The following ADAMTS1 variants were observed in gnomAD, a reference collection of about 807,000 sequenced individuals.
ADAMTS1 encodes A disintegrin and metalloproteinase with thrombospondin motifs 1.
Under a neutral mutation model 87.9 loss-of-function variants are expected in ADAMTS1, and 19 were observed. The ratio of observed to expected loss-of-function variants is 0.22; its 90% CI spans 0.15 to 0.32. The LOEUF is 0.32. Ranked by LOEUF, ADAMTS1 falls within the 10% of genes least tolerant of loss-of-function variation. The pLI is 1.00. For missense variants in ADAMTS1, 1,240 were observed against 1,259.1 expected, an observed-to-expected ratio of 0.98 and a Z score of 0.23; for synonymous variants, 542 against 501.8, an observed-to-expected ratio of 1.08 and a Z score of -1.07.
intron 3 of ADAMTS1, 109 bp from the exon 4 acceptor site, chr21:26,841,274 T>G (rs1269292556): frequency 8.5e-7 from 1 of 1,172,878 alleles, no homozygotes; most frequent in Non-Finnish European, 1.2e-6. Context: ...AGGTCAGGAG[T>G]TCAAGACCAG....
chr21:26,842,891 C>T lies in ADAMTS1; in HGVS notation c.731-206G>A, dbSNP rs1190933430. ...CCTTTAAATAAAAAGACCACGCGCT[C>T]CTTTGCATGGTCAGGATCTTTCTGT... On this transcript the variant is annotated intron_variant, in intron 1 of 8. Coordinates refer to ENST00000284984, the MANE Select transcript of ADAMTS1 (RefSeq NM_006988.5). 4 of 580,834 alleles carry T rather than the reference C, an allele frequency of 6.9e-6. No homozygotes were observed. The East Asian group carries it at 1.1e-4, about 17-fold the overall frequency. 36.0% of individuals were successfully genotyped at this position (580,834 alleles called of 1,614,324 possible).
At chr21:26,838,800 CTG>C in intron 7 of ADAMTS1, 186 bp from the exon 8 acceptor site, 1 of 526,208 alleles carries the variant, frequency 1.9e-6, no homozygotes, top group Middle Eastern at 4.5e-4. Flanking sequence ...GTATAGACAT[CTG>C]AAGAAATTAG....
At chr21:26,838,974 A>G in intron 7 of ADAMTS1, 2 of 186,992 alleles carry the variant, frequency 1.1e-5, no homozygotes, top group East Asian at 2.6e-4. Context: ...TGAATATTGA[A>G]TCTGCAACTT....
intron 7 of ADAMTS1, 157 bp downstream of exon 7, chr21:26,839,430 G>C: frequency 1.5e-6 from 1 of 655,904 alleles, no homozygotes. Flanking sequence ...TAAACTCAAA[G>C]CAGGCAGTTG....
chr21:26,842,505 A>G lies in ADAMTS1; in HGVS notation c.911T>C (p.Leu304Pro). The change falls in exon 2 of 9, where the codon CTG becomes CCG. Residue 304 changes from leucine to proline, a missense_variant. Coordinates refer to ENST00000284984, the MANE Select transcript of ADAMTS1 (RefSeq NM_006988.5). ...GATGACCAAGATCTTCACCACCACC[A>G]GGCTAACTGAATTACGAATGCTGGG... ...KHPSIRNSVS[L>P]VVVKILVIHD... 1 of 1,614,204 alleles carries G rather than the reference A, an allele frequency of 6.2e-7. No homozygotes were observed. Among genetic ancestry groups the G allele is most frequent in the Non-Finnish European group, 8.5e-7 (1 of 1,180,040 alleles).
rs752367400 is a variant in ADAMTS1 at position 26,839,863 on chromosome 21, G to A, written c.1852+12C>T. The A allele has an allele frequency of 1.1e-5, 17 of 1,611,152 alleles. No homozygotes were observed. The highest frequency in any genetic ancestry group is 9.9e-5 in the South Asian group (9 of 90,696). On this transcript the variant is annotated intron_variant, in intron 6 of 8. Transcript: ENST00000284984. ...ATCCAGTTTCTTAAAACCAGAGTCC[G>A]TTGCTCCTCACCATTATTGTCTGGA...
At chr21:26,844,149 A>G in intron 1 of ADAMTS1, 76 bp downstream of exon 1, 2 of 1,486,406 alleles carry the variant, frequency 1.3e-6, no homozygotes, top group Non-Finnish European at 9.0e-7. Flanking sequence ...GCAGGAGTCT[A>G]CCCTGAAGTC....
At chr21:26,841,400 A>T in intron 3 of ADAMTS1, 2 of 398,336 alleles carry the variant, frequency 5.0e-6, no homozygotes, top group Non-Finnish European at 9.0e-6. Context: ...AATCGCTTGA[A>T]CCCAGGAGGC....
intron 7 of ADAMTS1, chr21:26,839,202 G>C (rs1484147183): frequency 1.2e-5 from 2 of 164,744 alleles, no homozygotes; most frequent in African/African-American, 4.8e-5. Context: ...TAGTTACCCA[G>C]TAACAAGTAT....
chr21:26,844,635 C>T lies in ADAMTS1; in HGVS notation c.320G>A (p.Arg107His). Reference sequence around the variant, plus strand: ...AAGCGGCGTCTCGGACCCGGATTTGCGCCCCACGTTCTGGAGCGTGAAGCC... The same window carrying T: ...AAGCGGCGTCTCGGACCCGGATTTGTGCCCCACGTTCTGGAGCGTGAAGCC... ...APGFTLQNVGRKSGSETPLPE... is the reference protein window; with the variant it reads ...APGFTLQNVGHKSGSETPLPE... The change falls in exon 1 of 9, where the codon CGC (arginine) becomes CAC (histidine). Residue 107 changes from arginine to histidine, a missense_variant. Physicochemically the swap from Arg to His is conservative, Grantham distance 29. Coordinates refer to ENST00000284984, the MANE Select transcript of ADAMTS1 (RefSeq NM_006988.5). The T allele has an allele frequency of 1.2e-6, 2 of 1,605,642 alleles. No homozygotes were observed. The highest frequency in any genetic ancestry group is 1.7e-5 in the Admixed American group (1 of 59,014).
Position 26,837,943 on chromosome 21 carries a change from T to C in ADAMTS1, c.2540A>G (p.Glu847Gly). 6.2e-7 allele frequency: 1 copy of C among 1,614,236 alleles called. No homozygotes were observed. The highest frequency in any genetic ancestry group is 2.2e-5 in the East Asian group (1 of 44,886). ...KYTYFVKKKK[E>G]SFNAIPTFSA... is the part of the protein sequence containing the mutation. ...AAAAGTGGGGATAGCATTGAAAGATTCCTTCTTCTTCTTTACGAAGTAGGT... is the reference window on the plus strand; with the variant it reads ...AAAAGTGGGGATAGCATTGAAAGATCCCTTCTTCTTCTTTACGAAGTAGGT... The change falls in exon 9 of 9, where the codon GAA becomes GGA. Residue 847 changes from glutamate (E) to glycine (G), a missense_variant. Glu to Gly is a moderately conservative substitution (Grantham distance 98). Transcript: ENST00000284984.
chr21:26,845,325 C>G lies in ADAMTS1; in HGVS notation c.-371G>C, dbSNP rs2123161642. ...CGCCTTGGCTGCGATGTTGCTCACT[C>G]TGCTCAGGGCTCTCCCCTCTCCGTC... is the stretch of plus-strand genomic sequence containing the variant. On this transcript the variant is annotated 5_prime_UTR_variant, in exon 1 of 9. Transcript: ENST00000284984. 4.8e-6 allele frequency: 1 copy of G among 206,988 alleles called. No individual in the cohort carries two copies. The highest frequency in any genetic ancestry group is 1.1e-4 in the East Asian group (1 of 9,212). The allele number at this position is 206,988 out of a possible 1,614,324, so 12.8% of individuals were successfully genotyped here.
chr21:26,837,575 C>A lies in ADAMTS1; in HGVS notation c.*4G>T, dbSNP rs573247582. 1 of 1,613,148 alleles carries A rather than the reference C, an allele frequency of 6.2e-7. No homozygotes were observed. The highest frequency in any genetic ancestry group is 8.5e-7 in the Non-Finnish European group (1 of 1,179,562). On this transcript the variant is annotated 3_prime_UTR_variant, in exon 9 of 9. Coordinates refer to ENST00000284984, the MANE Select transcript of ADAMTS1 (RefSeq NM_006988.5). ...GCCCTCAAAGCTAACACCACTTAAA[C>A]CACTTAACTGCATTCTGCCATTGTG...
chr21:26,842,913 C>G (rs1261434314), intron 1 of ADAMTS1: 2 of 551,218 alleles, frequency 3.6e-6, no homozygotes, highest in African/African-American at 3.8e-5. Flanking sequence ...CAGGATCTTT[C>G]TGTGTGTGAG....
rs780119242 is a variant in ADAMTS1 at position 26,844,460 on chromosome 21, G to T, written c.495C>A (p.Ser165Arg). 2 of 1,586,790 alleles carry T rather than the reference G, an allele frequency of 1.3e-6. No homozygotes were observed. The highest frequency in any genetic ancestry group is 1.7e-6 in the Non-Finnish European group (2 of 1,166,344). The change falls in exon 1 of 9, where the codon AGC (serine) becomes AGA (arginine). Residue 165 changes from serine (S) to arginine (R), a missense_variant. Physicochemically the swap from Ser to Arg is moderately radical, Grantham distance 110. Transcript: ENST00000284984. ...CTGGGGCGGCGGTGGCGAGGCGCTC[G>T]CTGGCGGCGGGCAGCGGCTGGATGA... is the stretch of plus-strand genomic sequence containing the variant. ...AYFIQPLPAASERLATAAPGE... is the reference protein window; with the variant it reads ...AYFIQPLPAARERLATAAPGE...
chr21:26,838,742 T>C (rs117376374), intron 7 of ADAMTS1, 128 bp from the exon 8 acceptor site: 8,616 of 814,846 alleles, frequency 0.011, 63 homozygotes, highest in Middle Eastern at 0.017. Context: ...CTACACATTA[T>C]GCATTTCATG....
intron 1 of ADAMTS1, 99 bp downstream of exon 1, chr21:26,844,126 A>C (rs408358): frequency 0.76 from 1,079,854 of 1,422,362 alleles, 414,218 homozygotes; most frequent in African/African-American, 0.9. Flanking sequence ...CGGACTTATG[A>C]TCCTGCCTGC....
At position 26,839,668 on chromosome 21, in the gene ADAMTS1, G is replaced by A. The variant is rs764988768; in HGVS notation, c.1947C>T (p.Tyr649=). ...SGPAVEWIPK[Y]AGVSPKDRCK... The stretch of plus-strand genomic sequence containing the variant: ...ACCTGTCCTTTGGTGAGACGCCAGC[G>A]TACTTGGGAATCCATTCCACCGCAG... The change falls in exon 7 of 9, where the codon TAC becomes TAT. Residue 649 remains tyrosine, a synonymous_variant. Coordinates refer to ENST00000284984, the MANE Select transcript of ADAMTS1 (RefSeq NM_006988.5). 1.7e-5 allele frequency: 27 copies of A among 1,613,838 alleles called. 2 individuals are homozygous for A. The Middle Eastern group carries it at 4.9e-4, about 30-fold the overall frequency.
chr21:26,842,864 C>T (rs954598980), intron 1 of ADAMTS1, 179 bp from the exon 2 acceptor site: 5 of 607,346 alleles, frequency 8.2e-6, no homozygotes, highest in African/African-American at 7.4e-5. Flanking sequence ...GTTCTCTCCT[C>T]TCCTTTAAAT....
Sources: gnomAD v4.1 joint callset for allele counts on GRCh38, gnomAD v4.1.1 for gene constraint, MANE v1.5 for transcripts, NCBI Gene and HGNC (gene_info 2026-07-23, HGNC 2026-07-21) for gene names.